CYYR1: variants seen among roughly 807,000 people sequenced by gnomAD.
The protein encoded by CYYR1 is cysteine and tyrosine-rich protein 1.
Under a neutral mutation model 15.2 loss-of-function variants are expected in CYYR1, and 14 were observed. The ratio of observed to expected loss-of-function variants is 0.92; its 90% CI spans 0.61 to 1.44. CYYR1 has a LOEUF of 1.44. CYYR1 is among the 40% of genes most tolerant of loss of function. The pLI is 0.00. For synonymous variants in CYYR1, 80 were observed against 77.4 expected, an observed-to-expected ratio of 1.03 and a Z score of -0.18; for missense variants, 228 against 209.5, an observed-to-expected ratio of 1.09 and a Z score of -0.54.
chr21:26,515,844 T>A (rs2065720854), intron 2 of CYYR1, among the ~76,000 whole-genome samples: 1 of 152,204 alleles, frequency 6.6e-6, no homozygotes, highest in Non-Finnish European at 1.5e-5. Context: ...TAAGTGAAAT[T>A]TCACTTTCTT....
chr21:26,567,496 C>T (rs13433470), intron 1 of CYYR1, among the ~76,000 whole-genome samples: 11,924 of 151,940 alleles, frequency 0.078, 1,606 homozygotes, highest in African/African-American at 0.27. Flanking sequence ...TTTATTCCAC[C>T]TAAATGATTT....
At position 26,517,144 on chromosome 21, in the gene CYYR1, A is replaced by AAAAAAAAAG. The variant is rs1491223332; in HGVS notation, c.177-36716_177-36715insCTTTTTTTT. 1.4e-4 allele frequency among the ~76,000 whole-genome samples: 16 copies of AAAAAAAAAG among 111,444 alleles called. 2 individuals are homozygous for AAAAAAAAAG. Among genetic ancestry groups the AAAAAAAAAG allele is most frequent in the African/African-American group, 3.2e-4 (9 of 27,694 alleles). 73.1% of individuals were successfully genotyped at this position (111,444 alleles called of 152,430 possible). ...AAAAAAAAAAAAAAAAAAAAAAAAA[A>AAAAAAAAAG]GAATTCACTGGGATAATCTATCAAA... On this transcript the variant is annotated intron_variant, in intron 2 of 3. Transcript: ENST00000652641.
chr21:26,562,117 G>A (rs536879961), intron 2 of CYYR1, among the ~76,000 whole-genome samples: 33 of 152,254 alleles, frequency 2.2e-4, no homozygotes, highest in Middle Eastern at 3.4e-3. Flanking sequence ...AATCTGGTGG[G>A]AAATTGTTTA....
intron 2 of CYYR1, among the ~76,000 whole-genome samples, chr21:26,482,809 C>T (rs990263889): frequency 3.9e-5 from 6 of 151,906 alleles, no homozygotes; most frequent in Non-Finnish European, 2.9e-5. Context: ...TGTGTGATAC[C>T]GTTTTTTCTT....
intron 2 of CYYR1, chr21:26,518,455 A>ATT (rs1290004438): frequency 1.3e-5 from 2 of 152,158 alleles, no homozygotes; most frequent in African/African-American, 4.8e-5. Context: ...GTTTGACCCG[A>ATT]TTTCTCTCTC....
At position 26,478,242 on chromosome 21, in the gene CYYR1, G is replaced by A. The variant is rs1031330268; in HGVS notation, c.334+2030C>T. The A allele has an allele frequency of 4.6e-5, 64 of 1,391,404 alleles. No homozygotes were observed. In the Middle Eastern group the frequency reaches 6.5e-4, roughly 14 times the overall value. 86.2% of individuals were successfully genotyped at this position (1,391,404 alleles called of 1,614,324 possible). A position where few individuals can be genotyped will look rare whatever the true frequency, so the allele number is the denominator to read the frequency against. On this transcript the variant is annotated intron_variant, in intron 3 of 3. Coordinates refer to ENST00000652641, the MANE Select transcript of CYYR1 (RefSeq NM_001320768.2). ...TGGATAAAAAGCAGAGCAGCACAAA[G>A]AGAATTGGGATGCTGTCAGAAGGGA...
chr21:26,547,082 T>TTA (rs1256561541), intron 2 of CYYR1, among the ~76,000 whole-genome samples: 1 of 152,146 alleles, frequency 6.6e-6, no homozygotes, highest in East Asian at 1.9e-4. Context: ...GGACTCATTT[T>TTA]TATTTTTCTT....
intron 2 of CYYR1, among the ~76,000 whole-genome samples, chr21:26,481,294 T>A (rs1014490021): frequency 6.6e-6 from 1 of 152,074 alleles, no homozygotes; most frequent in African/African-American, 2.4e-5. Context: ...AACAAGGATG[T>A]TCATCACAGT....
intron 2 of CYYR1, among the ~76,000 whole-genome samples, chr21:26,499,438 T>A (rs1341568147): frequency 6.6e-6 from 1 of 152,234 alleles, no homozygotes; most frequent in African/African-American, 2.4e-5. Flanking sequence ...GCTGACACAC[T>A]GTTTTCAGAC....
chr21:26,527,612 T>C (rs1204233266), intron 2 of CYYR1, among the ~76,000 whole-genome samples: 2 of 152,206 alleles, frequency 1.3e-5, no homozygotes, highest in South Asian at 2.1e-4. Flanking sequence ...CTCCATTTCA[T>C]TGCTACTTTT....
chr21:26,540,334 T>G (rs957419566), intron 2 of CYYR1, among the ~76,000 whole-genome samples: 2 of 152,128 alleles, frequency 1.3e-5, no homozygotes, highest in African/African-American at 4.8e-5. Flanking sequence ...TGATAAGGCT[T>G]TTTGGCTAAC....
At chr21:26,486,760 TA>T (rs967626960) in intron 2 of CYYR1, among the ~76,000 whole-genome samples, 3 of 152,060 alleles carry the variant, frequency 2.0e-5, no homozygotes, top group Non-Finnish European at 2.9e-5. Context: ...TTTTCATGAG[TA>T]AAAAAAGATT....
chr21:26,508,801 T>C (rs1277768956), intron 2 of CYYR1, among the ~76,000 whole-genome samples: 1 of 152,200 alleles, frequency 6.6e-6, no homozygotes, highest in Admixed American at 6.5e-5. Flanking sequence ...GATAACTTTA[T>C]GGCAAGTGTT....
At chr21:26,483,272 A>G (rs758326694) in intron 2 of CYYR1, 4 of 179,762 alleles carry the variant, frequency 2.2e-5, no homozygotes, top group African/African-American at 7.2e-5. Flanking sequence ...GAAAGCACCA[A>G]TGATATATTC....
At chr21:26,568,880 C>T (rs1333341577) in intron 1 of CYYR1, 1 of 152,110 alleles carries the variant, frequency 6.6e-6, no homozygotes, top group African/African-American at 2.4e-5. Flanking sequence ...CACCAATCAT[C>T]AGAGAAATGC....
chr21:26,478,743 G>A (rs562943470), intron 3 of CYYR1, among the ~76,000 whole-genome samples: 7 of 152,206 alleles, frequency 4.6e-5, no homozygotes, highest in African/African-American at 1.7e-4. Flanking sequence ...TTAGAGTAAA[G>A]GAAGTGAGAG....
chr21:26,511,277 T>A (rs1384146814), intron 2 of CYYR1, among the ~76,000 whole-genome samples: 1 of 152,230 alleles, frequency 6.6e-6, no homozygotes, highest in African/African-American at 2.4e-5. Context: ...ACAGTTCATT[T>A]AAAAATAGTA....
intron 2 of CYYR1, among the ~76,000 whole-genome samples, chr21:26,486,701 G>A (rs1000928662): frequency 6.1e-4 from 92 of 152,018 alleles, no homozygotes; most frequent in African/African-American, 2.1e-3. Flanking sequence ...ATATGAAACT[G>A]TCTTTTATAA....
At chr21:26,531,733 C>T (rs889357287) in intron 2 of CYYR1, among the ~76,000 whole-genome samples, 6 of 152,068 alleles carry the variant, frequency 3.9e-5, no homozygotes, top group African/African-American at 9.7e-5. Context: ...AGTGTGAGAA[C>T]GGGCTATGAC....
Sources: allele counts gnomAD v4.1 joint callset (sites outside exome capture counted in the v4.1 genomes callset), GRCh38; gene constraint gnomAD v4.1.1; transcripts MANE v1.5; gene names NCBI Gene and HGNC (gene_info 2026-07-23, HGNC 2026-07-21).